RHOT1: variants seen among roughly 807,000 people sequenced by gnomAD.
RHOT1 encodes the protein ras homolog family member T1.
Under a neutral mutation model 95.3 loss-of-function variants are expected in RHOT1, and 27 were observed. That is an observed-to-expected ratio of 0.28 (90% confidence interval 0.21 to 0.39). The LOEUF is 0.39. Ranked by LOEUF, RHOT1 falls within the 10% of genes least tolerant of loss-of-function variation. The probability of loss-of-function intolerance (pLI) is 1.00; values close to 1 mark genes in which losing one functional copy is unlikely to be tolerated. For synonymous variants in RHOT1, 227 were observed against 263.5 expected, an observed-to-expected ratio of 0.86 and a Z score of 1.34; for missense variants, 578 against 786.7, an observed-to-expected ratio of 0.73 and a Z score of 3.17.
chr17:32,149,610 TATATATA>T (rs1309163527), intron 1 of RHOT1, among the ~76,000 whole-genome samples: 1 of 79,622 alleles, frequency 1.3e-5, no homozygotes, highest in African/African-American at 9.2e-5. Flanking sequence ...TATATATATA[TATATATA>T]TATATATATA....
chr17:32,190,557 G>A (rs1202852633), intron 8 of RHOT1, among the ~76,000 whole-genome samples: 1 of 152,098 alleles, frequency 6.6e-6, no homozygotes, highest in East Asian at 1.9e-4. Flanking sequence ...CAAAATAAAA[G>A]ATTAGGTTCT....
intron 7 of RHOT1, 27 bp downstream of exon 7, chr17:32,182,892 T>C: frequency 7.3e-7 from 1 of 1,374,396 alleles, no homozygotes; most frequent in Non-Finnish European, 1.0e-6. Flanking sequence ...GATTTGAAAA[T>C]TTATTTTTAA....
chr17:32,145,215 G>T (rs2031123159), intron 1 of RHOT1, among the ~76,000 whole-genome samples: 1 of 151,948 alleles, frequency 6.6e-6, no homozygotes, highest in African/African-American at 2.4e-5. Flanking sequence ...CAGGAGAATG[G>T]CTTTCACCCA....
intron 8 of RHOT1, among the ~76,000 whole-genome samples, chr17:32,186,240 T>C (rs2036041450): frequency 6.6e-6 from 1 of 152,174 alleles, no homozygotes; most frequent in South Asian, 2.1e-4. Flanking sequence ...CTAGTAGATG[T>C]GGTTGGGATC....
At chr17:32,173,993 T>A in intron 3 of RHOT1, 81 bp downstream of exon 3, 1 of 986,778 alleles carries the variant, frequency 1.0e-6, no homozygotes, top group Non-Finnish European at 1.6e-6. Flanking sequence ...CTTTTACAAA[T>A]GTTCAGAGAG....
At chr17:32,147,679 G>A (rs2031573543) in intron 1 of RHOT1, among the ~76,000 whole-genome samples, 1 of 152,024 alleles carries the variant, frequency 6.6e-6, no homozygotes, top group Admixed American at 6.6e-5. Context: ...ATTTAGCTGG[G>A]CATGGTGGCG....
intron 1 of RHOT1, among the ~76,000 whole-genome samples, chr17:32,146,476 C>T (rs985958084): frequency 1.8e-4 from 27 of 151,528 alleles, no homozygotes; most frequent in Non-Finnish European, 2.7e-4. Flanking sequence ...GATGGAGTCT[C>T]GCTTTGTCGC....
At position 32,187,629 on chromosome 17, in the gene RHOT1, C is replaced by T. The variant is rs574021952; in HGVS notation, c.540+4357C>T. Among the ~76,000 whole-genome samples the T allele has an allele frequency of 1.6e-4, 24 of 152,144 alleles. No individual in the cohort carries two copies. The East Asian group carries it at 4.3e-3, about 27-fold the overall frequency. On this transcript the variant is annotated intron_variant, in intron 8 of 19. Coordinates refer to ENST00000545287, the MANE Select transcript of RHOT1 (RefSeq NM_001033566.3). ...AGATGGAGTCTCGCTCTGTTGCCCA[C>T]GTTGGAGTGCAGTGGTGTGATCTCA...
At chr17:32,209,587 A>G (rs565756514) in intron 18 of RHOT1, 8 of 554,938 alleles carry the variant, frequency 1.4e-5, no homozygotes, top group East Asian at 9.0e-5. Context: ...GCCTAGCTAT[A>G]TATTACGTTG....
intron 18 of RHOT1, chr17:32,209,122 A>G: frequency 3.7e-6 from 1 of 270,922 alleles, no homozygotes; most frequent in East Asian, 6.5e-5. Flanking sequence ...ATAATCAAAC[A>G]TTGCTATAAA....
intron 9 of RHOT1, 78 bp downstream of exon 9, chr17:32,192,377 G>GTTTT: frequency 1.3e-6 from 1 of 783,092 alleles, no homozygotes. Context: ...AAATGTGTTA[G>GTTTT]CTTAAACAAC....
intron 1 of RHOT1, among the ~76,000 whole-genome samples, chr17:32,163,694 C>T (rs1276143511): frequency 1.3e-5 from 2 of 150,972 alleles, no homozygotes; most frequent in African/African-American, 2.4e-5. Context: ...CGTGCCACTG[C>T]ACTCCAGCTT....
Position 32,204,117 on chromosome 17 carries a change from C to T in RHOT1, c.1416+144C>T, listed in dbSNP as rs77337829. ...TTTTATTTAATTTTTTTTAGAGACACGGTCTCACTATGTTGCCCTGGCGAG... is the reference window on the plus strand; with the variant it reads ...TTTTATTTAATTTTTTTTAGAGACATGGTCTCACTATGTTGCCCTGGCGAG... On this transcript the variant is annotated intron_variant, in intron 16 of 19. Coordinates refer to ENST00000545287, the MANE Select transcript of RHOT1 (RefSeq NM_001033566.3). The T allele has an allele frequency of 3.5e-4, 216 of 623,374 alleles. No individual in the cohort carries two copies. In the African/African-American group the frequency reaches 3.7e-3, roughly 11 times the overall value. The allele number at this position is 623,374 out of a possible 1,614,324, so 38.6% of individuals were successfully genotyped here. A position where few individuals can be genotyped will look rare whatever the true frequency, so the allele number is the denominator to read the frequency against.
At chr17:32,188,947 G>A (rs59142571) in intron 8 of RHOT1, among the ~76,000 whole-genome samples, 1,731 of 152,162 alleles carry the variant, frequency 0.011, 33 homozygotes, top group African/African-American at 0.039. Flanking sequence ...AATTTACTCC[G>A]AATCCAGTAT....
intron 1 of RHOT1, among the ~76,000 whole-genome samples, chr17:32,152,995 T>A (rs2032512185): frequency 6.6e-6 from 1 of 152,024 alleles, no homozygotes; most frequent in South Asian, 2.1e-4. Context: ...AGAGATAGAG[T>A]TTCACCATGT....
Position 32,211,115 on chromosome 17 carries a change from G to A in RHOT1, c.1740-1G>A. On this transcript the variant is annotated splice_acceptor_variant, in intron 18 of 19. Transcript: ENST00000545287. LOFTEE classifies it high-confidence loss of function. Reference sequence around the variant, plus strand: ...TCCTGTCCTTCTGTGTGTTTTCGCAGCCATGCCCGGTTACGCTGTATGTGC... The same window carrying A: ...TCCTGTCCTTCTGTGTGTTTTCGCAACCATGCCCGGTTACGCTGTATGTGC... The A allele has an allele frequency of 6.2e-7, 1 of 1,600,744 alleles. No individual in the cohort carries two copies. Among genetic ancestry groups the A allele is most frequent in the Non-Finnish European group, 8.5e-7 (1 of 1,170,110 alleles).
At chr17:32,198,186 A>G (rs1160273443) in intron 11 of RHOT1, among the ~76,000 whole-genome samples, 2 of 152,166 alleles carry the variant, frequency 1.3e-5, no homozygotes, top group East Asian at 1.9e-4. Flanking sequence ...ATGAGTCACC[A>G]TGTCCAGCAC....
intron 16 of RHOT1, among the ~76,000 whole-genome samples, chr17:32,205,105 CCA>C (rs546817151): frequency 9.5e-4 from 144 of 151,444 alleles, no homozygotes; most frequent in African/African-American, 3.0e-3. Flanking sequence ...ATAGGTCAAC[CCA>C]TCATCTAGGT....
At chr17:32,159,447 GC>G (rs1303333359) in intron 1 of RHOT1, 1 of 152,744 alleles carries the variant, frequency 6.5e-6, no homozygotes, top group Non-Finnish European at 1.5e-5. Context: ...GGAGCTGGAA[GC>G]TGGCAAGAGC....
Sources: gnomAD v4.1 joint callset for allele counts (sites outside exome capture counted in the v4.1 genomes callset) on GRCh38, gnomAD v4.1.1 for gene constraint, MANE v1.5 for transcripts, NCBI Gene and HGNC (gene_info 2026-07-23, HGNC 2026-07-21) for gene names.